The following LTBP1 variants were observed in gnomAD, a reference collection of about 807,000 sequenced individuals.
LTBP1 encodes latent-transforming growth factor beta-binding protein 1.
LTBP1 carries 129 observed loss-of-function variants against 207.6 expected under a neutral mutation model. That is an observed-to-expected ratio of 0.62 (90% confidence interval 0.54 to 0.72). The LOEUF (loss-of-function observed/expected upper bound fraction) is 0.72. LTBP1 is among the 30% of genes least tolerant of loss of function. The probability of loss-of-function intolerance (pLI) is 0.00; values close to 1 mark genes in which losing one functional copy is unlikely to be tolerated. For synonymous variants in LTBP1, 963 were observed against 833.7 expected (o/e 1.16, Z -2.67); for missense variants, 2,281 against 2,217.2 (o/e 1.03, Z -0.58).
chr2:33,276,846 G>C (rs2093435642), intron 18 of LTBP1, among the ~76,000 whole-genome samples: 1 of 152,166 alleles, frequency 6.6e-6, no homozygotes, highest in Admixed American at 6.5e-5. Flanking sequence ...GAAAAACCTT[G>C]TCTCCAAAAA....
chr2:33,263,289 T>C lies in LTBP1; in HGVS notation c.2519-5T>C. 2 of 1,584,118 alleles carry C rather than the reference T, an allele frequency of 1.3e-6. No homozygotes were observed. Among genetic ancestry groups the C allele is most frequent in the Non-Finnish European group, 1.7e-6 (2 of 1,152,678 alleles). On this transcript the variant is annotated splice_polypyrimidine_tract_variant and splice_region_variant and intron_variant, in intron 14 of 33. Transcript: ENST00000404816. Reference sequence around the variant, plus strand: ...TTTCTTTTTATCCTCTGCTTCCTCATATAGTAGTGATTGAAAAAACATCAC... The same window carrying C: ...TTTCTTTTTATCCTCTGCTTCCTCACATAGTAGTGATTGAAAAAACATCAC...
At chr2:33,188,447 A>AAAAAAAATT in intron 6 of LTBP1, 130 bp from the exon 7 acceptor site, 1 of 668,166 alleles carries the variant, frequency 1.5e-6, no homozygotes, top group Non-Finnish European at 2.5e-6. Flanking sequence ...AAAAAAAAGA[A>AAAAAAAATT]TTTTGATGGC....
At position 33,196,034 on chromosome 2, in the gene LTBP1, T is replaced by G. The variant is rs1440112929; in HGVS notation, c.1701+7183T>G. On this transcript the variant is annotated intron_variant, in intron 7 of 33. Coordinates refer to ENST00000404816, the MANE Select transcript of LTBP1 (RefSeq NM_206943.4). ...AAATTAAGGTATGTACTTTAAAGCA[T>G]AGCGCTACTGCAAACTTAATAGACG... 2.0e-5 allele frequency among the ~76,000 whole-genome samples: 3 copies of G among 152,238 alleles called. No homozygotes were observed. In the South Asian group the frequency reaches 6.2e-4, roughly 32 times the overall value.
intron 15 of LTBP1, among the ~76,000 whole-genome samples, chr2:33,269,793 CA>C (rs2093274521): frequency 6.6e-6 from 1 of 152,062 alleles, no homozygotes; most frequent in East Asian, 1.9e-4. Flanking sequence ...AAATGCAGAA[CA>C]CTTTTCCTGT....
At chr2:33,317,670 C>G (rs1044219859) in intron 24 of LTBP1, 3 of 152,256 alleles carry the variant, frequency 2.0e-5, no homozygotes, top group African/African-American at 7.2e-5. Flanking sequence ...ATTCTTATCT[C>G]ATGTCCATTT....
chr2:33,289,848 A>G (rs1000385407), intron 19 of LTBP1, among the ~76,000 whole-genome samples: 1 of 152,164 alleles, frequency 6.6e-6, no homozygotes, highest in Non-Finnish European at 1.5e-5. Flanking sequence ...AGGCATAATC[A>G]TCTCCCTCTG....
At chr2:32,967,664 T>C (rs924743964) in intron 2 of LTBP1, among the ~76,000 whole-genome samples, 3 of 152,232 alleles carry the variant, frequency 2.0e-5, no homozygotes, top group Non-Finnish European at 4.4e-5. Flanking sequence ...TTAATTCCAT[T>C]GTGACCTGAG....
chr2:32,961,344 G>A (rs142932757), intron 2 of LTBP1, among the ~76,000 whole-genome samples: 3 of 152,310 alleles, frequency 2.0e-5, no homozygotes, highest in African/African-American at 4.8e-5. Flanking sequence ...GGTGAAGAAA[G>A]CCAAGTCACT....
intron 5 of LTBP1, among the ~76,000 whole-genome samples, chr2:33,173,855 A>G (rs368658127): frequency 4.1e-5 from 6 of 144,670 alleles, no homozygotes; most frequent in Non-Finnish European, 9.2e-5. Context: ...TTCAATATAC[A>G]CAAATCAATA....
intron 5 of LTBP1, among the ~76,000 whole-genome samples, chr2:33,152,032 C>T (rs750806876): frequency 1.6e-4 from 24 of 151,940 alleles, no homozygotes; most frequent in African/African-American, 5.3e-4. Flanking sequence ...ACTAAGAACC[C>T]GAAAGCAAAT....
intron 22 of LTBP1, 48 bp from the exon 23 acceptor site, chr2:33,309,386 C>T (rs563081428): frequency 9.4e-6 from 13 of 1,376,028 alleles, no homozygotes; most frequent in South Asian, 6.6e-5. Context: ...TCTAATTTTC[C>T]GATATGTGAT....
intron 31 of LTBP1, among the ~76,000 whole-genome samples, chr2:33,373,507 A>G (rs79440032): frequency 0.021 from 3,182 of 152,330 alleles, 119 homozygotes; most frequent in African/African-American, 0.072. Flanking sequence ...AAGCAATGTC[A>G]GTATGTATCC....
chr2:33,301,550 C>T lies in LTBP1; in HGVS notation c.3387C>T (p.Leu1129=). ...EDIDECQHRH[L]CAHGQCRNTE... is the part of the protein sequence containing the mutation. ...TTGATGAATGCCAGCACCGTCATCT[C>T]TGTGCTCATGGGCAGTGCAGGAACA... is the stretch of plus-strand genomic sequence containing the variant. The change falls in exon 22 of 34, where the codon CTC becomes CTT. Residue 1129 remains leucine (L), a synonymous_variant. Coordinates refer to ENST00000404816, the MANE Select transcript of LTBP1 (RefSeq NM_206943.4). 6.2e-7 allele frequency: 1 copy of T among 1,610,132 alleles called. No homozygotes were observed. The highest frequency in any genetic ancestry group is 8.5e-7 in the Non-Finnish European group (1 of 1,178,474).
At chr2:33,240,799 T>C (rs559457581) in intron 9 of LTBP1, among the ~76,000 whole-genome samples, 5 of 152,118 alleles carry the variant, frequency 3.3e-5, no homozygotes, top group East Asian at 3.9e-4. Context: ...TGCAGGCACC[T>C]GCCACCACGC....
At chr2:33,378,862 C>T (rs1180068750) in intron 31 of LTBP1, among the ~76,000 whole-genome samples, 1 of 152,174 alleles carries the variant, frequency 6.6e-6, no homozygotes, top group Non-Finnish European at 1.5e-5. Context: ...CCTTTTATGC[C>T]GCAGACAGAT....
intron 22 of LTBP1, among the ~76,000 whole-genome samples, chr2:33,308,156 G>A (rs141941509): frequency 5.3e-5 from 8 of 152,282 alleles, no homozygotes; most frequent in African/African-American, 1.9e-4. Context: ...CAACAGAAGA[G>A]GGCTCATGGA....
At chr2:33,334,413 A>G (rs1265875655) in intron 24 of LTBP1, among the ~76,000 whole-genome samples, 1 of 152,206 alleles carries the variant, frequency 6.6e-6, no homozygotes, top group African/African-American at 2.4e-5. Context: ...TGGGAGATGA[A>G]TTTGGGGTCT....
chr2:33,178,740 T>G (rs2086320661), intron 5 of LTBP1, among the ~76,000 whole-genome samples: 1 of 152,194 alleles, frequency 6.6e-6, no homozygotes, highest in Non-Finnish European at 1.5e-5. Flanking sequence ...GTCTTTAAAG[T>G]CAGTGATGCT....
chr2:33,341,668 G>A (rs552395814), intron 24 of LTBP1, among the ~76,000 whole-genome samples: 2,261 of 139,678 alleles, frequency 0.016, 33 homozygotes, highest in Middle Eastern at 0.044. Flanking sequence ...CCGAGATTGC[G>A]CCACTGCACT....
Sources: allele counts gnomAD v4.1 joint callset (sites outside exome capture counted in the v4.1 genomes callset), GRCh38; gene constraint gnomAD v4.1.1; transcripts MANE v1.5; gene names NCBI Gene and HGNC (gene_info 2026-07-23, HGNC 2026-07-21).